The following ELP3 variants were observed in gnomAD, a reference collection of about 807,000 sequenced individuals.
ELP3 encodes elongator complex protein 3.
A neutral mutation model predicts 74.9 loss-of-function variants in ELP3; 56 were observed. The observed-to-expected ratio is 0.75, with a 90% CI of 0.60 to 0.93. The LOEUF is 0.93. Ranked by LOEUF, ELP3 falls within the 40% of genes least tolerant of loss-of-function variation. The pLI is 0.00. For missense variants in ELP3, 573 were observed against 686.5 expected (o/e 0.83, Z 1.85); for synonymous variants, 222 against 239.8 (o/e 0.93, Z 0.68).
At chr8:28,155,459 G>A (rs375769424) in intron 10 of ELP3, among the ~76,000 whole-genome samples, 49 of 152,104 alleles carry the variant, frequency 3.2e-4, no homozygotes, top group African/African-American at 1.1e-3. Context: ...TGAGAAACAA[G>A]GAAAAAAGAT....
At chr8:28,133,002 A>G (rs899209915) in intron 9 of ELP3, among the ~76,000 whole-genome samples, 9 of 152,136 alleles carry the variant, frequency 5.9e-5, no homozygotes, top group Non-Finnish European at 1.2e-4. Context: ...CACTGTATTA[A>G]TAAGTTGCTT....
intron 10 of ELP3, among the ~76,000 whole-genome samples, chr8:28,151,383 T>C (rs1813637786): frequency 6.6e-6 from 1 of 152,206 alleles, no homozygotes; most frequent in African/African-American, 2.4e-5. Context: ...GCGTGTTAAT[T>C]ATAGTTGTTT....
chr8:28,176,707 TATTTA>T (rs1300995464), intron 14 of ELP3, among the ~76,000 whole-genome samples: 8 of 152,120 alleles, frequency 5.3e-5, no homozygotes, highest in African/African-American at 1.9e-4. Context: ...TTGAAGTCTG[TATTTA>T]AAGAGACTAT....
At chr8:28,142,084 C>T (rs1056636053) in intron 10 of ELP3, among the ~76,000 whole-genome samples, 3 of 152,132 alleles carry the variant, frequency 2.0e-5, no homozygotes, top group Non-Finnish European at 4.4e-5. Flanking sequence ...TACCACTATG[C>T]GACATTATCC....
intron 1 of ELP3, 155 bp downstream of exon 1, chr8:28,093,388 C>A (rs1159266171): frequency 1.9e-6 from 2 of 1,040,284 alleles, no homozygotes; most frequent in Non-Finnish European, 2.7e-6. Flanking sequence ...GGTCCCCGAG[C>A]CTTCTCGTTT....
At chr8:28,162,297 A>G (rs1814130799) in intron 14 of ELP3, among the ~76,000 whole-genome samples, 1 of 152,158 alleles carries the variant, frequency 6.6e-6, no homozygotes, top group African/African-American at 2.4e-5. Flanking sequence ...TGTGACCCAT[A>G]TGCCCTCTTC....
intron 14 of ELP3, among the ~76,000 whole-genome samples, chr8:28,187,412 C>T (rs1337364017): frequency 1.3e-5 from 2 of 152,210 alleles, no homozygotes; most frequent in African/African-American, 4.8e-5. Flanking sequence ...CCCTGCCCTC[C>T]TGGAGCCTTC....
chr8:28,152,138 C>T (rs1247676777), intron 10 of ELP3, among the ~76,000 whole-genome samples: 2 of 152,210 alleles, frequency 1.3e-5, no homozygotes, highest in Admixed American at 1.3e-4. Flanking sequence ...TCTGTCTCTC[C>T]AGCCCCGGGG....
intron 9 of ELP3, among the ~76,000 whole-genome samples, chr8:28,135,181 G>GCGGGATC (rs1812937318): frequency 6.6e-6 from 1 of 152,194 alleles, no homozygotes; most frequent in South Asian, 2.1e-4. Context: ...GCCCGCCTCT[G>GCGGGATC]CCTCCCAAAG....
At chr8:28,174,257 T>A (rs60248654) in intron 14 of ELP3, among the ~76,000 whole-genome samples, 10,964 of 152,110 alleles carry the variant, frequency 0.072, 789 homozygotes, top group East Asian at 0.33. Context: ...AAGTTTTGCT[T>A]CATATATTTT....
intron 7 of ELP3, among the ~76,000 whole-genome samples, chr8:28,117,336 C>T (rs1248323639): frequency 6.6e-6 from 1 of 152,004 alleles, no homozygotes; most frequent in Non-Finnish European, 1.5e-5. Flanking sequence ...CAGAAATGTT[C>T]TAGTGCTAAT....
intron 6 of ELP3, among the ~76,000 whole-genome samples, chr8:28,111,725 A>G (rs1811924010): frequency 6.6e-6 from 1 of 152,222 alleles, no homozygotes; most frequent in South Asian, 2.1e-4. Flanking sequence ...TATGTTTACC[A>G]AAAAAAGGAG....
intron 7 of ELP3, among the ~76,000 whole-genome samples, chr8:28,118,629 C>T (rs899435646): frequency 7.9e-5 from 12 of 152,152 alleles, no homozygotes; most frequent in South Asian, 2.1e-4. Flanking sequence ...TGAAAAAGAC[C>T]GGTAGTGGGA....
At chr8:28,118,965 C>G (rs1188059854) in intron 7 of ELP3, 1 of 151,372 alleles carries the variant, frequency 6.6e-6, no homozygotes. Flanking sequence ...CTAGGTAATG[C>G]TAGGTACCAG....
chr8:28,189,790 TA>T lies in ELP3; in HGVS notation c.*68del. 1 of 1,529,586 alleles carries T rather than the reference TA, an allele frequency of 6.5e-7. No individual in the cohort carries two copies. The highest frequency in any genetic ancestry group is 1.1e-5 in the South Asian group (1 of 89,260). 94.8% of individuals were successfully genotyped at this position (1,529,586 alleles called of 1,614,324 possible). ...CAGAACACGGAGAATCAGGATTTCT[TA>T]AATACTCAACAGAGAGGCTGAGCAG... On this transcript the variant is annotated 3_prime_UTR_variant, in exon 15 of 15. Coordinates refer to ENST00000256398, the MANE Select transcript of ELP3 (RefSeq NM_018091.6).
intron 7 of ELP3, among the ~76,000 whole-genome samples, chr8:28,125,396 G>A (rs1812531892): frequency 6.6e-6 from 1 of 152,226 alleles, no homozygotes; most frequent in African/African-American, 2.4e-5. Context: ...GTTCTTGTGA[G>A]AGTTTAAGCA....
In ELP3 at chr8:28,190,544, A is replaced by G. The variant is rs903255159; in HGVS notation, c.*819A>G. On this transcript the variant is annotated 3_prime_UTR_variant, in exon 15 of 15. Coordinates refer to ENST00000256398, the MANE Select transcript of ELP3 (RefSeq NM_018091.6). Reference sequence around the variant, plus strand: ...TCAGGTTGTGTGCCCCTAAATCAAGATTTGCTTCCACAGAAGCCATTACTT... The same window carrying G: ...TCAGGTTGTGTGCCCCTAAATCAAGGTTTGCTTCCACAGAAGCCATTACTT... The G allele has an allele frequency of 6.7e-6, 1 of 149,514 alleles. No individual in the cohort carries two copies. Among genetic ancestry groups the G allele is most frequent in the African/African-American group, 2.5e-5 (1 of 40,552 alleles). The allele number at this position is 149,514 out of a possible 1,614,324, so 9.3% of individuals were successfully genotyped here.
At chr8:28,154,900 A>G (rs953524551) in intron 10 of ELP3, among the ~76,000 whole-genome samples, 1 of 152,110 alleles carries the variant, frequency 6.6e-6, no homozygotes, top group African/African-American at 2.4e-5. Flanking sequence ...CTTATCTTTG[A>G]TTTATAGAGT....
chr8:28,094,111 G>T (rs1010877402), intron 1 of ELP3, among the ~76,000 whole-genome samples: 7 of 152,152 alleles, frequency 4.6e-5, no homozygotes, highest in African/African-American at 1.7e-4. Flanking sequence ...AGTTACCTTA[G>T]ATTAAGTCTT....
Sources: gnomAD v4.1 joint callset for allele counts (sites outside exome capture counted in the v4.1 genomes callset) on GRCh38, gnomAD v4.1.1 for gene constraint, MANE v1.5 for transcripts, NCBI Gene and HGNC (gene_info 2026-07-23, HGNC 2026-07-21) for gene names.